ABLIM1: variants seen among roughly 807,000 people sequenced by gnomAD.
ABLIM1 encodes actin-binding LIM protein 1.
A neutral mutation model predicts 107.0 loss-of-function variants in ABLIM1; 40 were observed. The ratio of observed to expected loss-of-function variants is 0.37; its 90% CI spans 0.29 to 0.49. ABLIM1 has a LOEUF of 0.49. Ranked by LOEUF, ABLIM1 falls within the 20% of genes least tolerant of loss-of-function variation. ABLIM1 has a pLI of 0.97. For synonymous variants in ABLIM1, 357 were observed against 357.3 expected, an observed-to-expected ratio of 1.00 and a Z score of 0.01; for missense variants, 857 against 1,008.5, an observed-to-expected ratio of 0.85 and a Z score of 2.04.
At chr10:114,538,842 C>T (rs1313223788) in intron 6 of ABLIM1, among the ~76,000 whole-genome samples, 1 of 152,212 alleles carries the variant, frequency 6.6e-6, no homozygotes, top group Non-Finnish European at 1.5e-5. Context: ...TCCATGCACA[C>T]AGGTAGCCCC....
upstream of ABLIM1, among the ~76,000 whole-genome samples, chr10:114,689,639 G>A (rs1265318493): frequency 6.6e-6 from 1 of 151,912 alleles, no homozygotes; most frequent in Non-Finnish European, 1.5e-5. Context: ...TGGGATTATA[G>A]GTATGAGCCA....
intron 1 of ABLIM1, among the ~76,000 whole-genome samples, chr10:114,733,557 A>T (rs146715765): frequency 2.6e-4 from 40 of 152,256 alleles, no homozygotes; most frequent in African/African-American, 8.9e-4. Context: ...TCTGAACTGG[A>T]CCCTACTGAG....
chr10:114,542,040 G>A (rs2066728775), intron 6 of ABLIM1, among the ~76,000 whole-genome samples: 1 of 152,094 alleles, frequency 6.6e-6, no homozygotes, highest in Non-Finnish European at 1.5e-5. Flanking sequence ...ACAAATGTGG[G>A]GACCACGTTC....
chr10:114,775,521 A>C, the ABLIM1 span, among the ~76,000 whole-genome samples: 2 of 152,190 alleles, frequency 1.3e-5, no homozygotes, highest in Non-Finnish European at 2.9e-5. Context: ...AATACCATAG[A>C]TAGACCAGGA....
chr10:114,788,063 G>C, the ABLIM1 span, among the ~76,000 whole-genome samples: 1 of 150,370 alleles, frequency 6.7e-6, no homozygotes, highest in African/African-American at 2.4e-5. Context: ...CATGTGCTGT[G>C]TCCACTCAGG....
chr10:114,532,293 C>G (rs2497713), intron 6 of ABLIM1, among the ~76,000 whole-genome samples: 143,293 of 152,324 alleles, frequency 0.94, 67,418 homozygotes, highest in African/African-American at 0.96. Context: ...CCACTCCAAA[C>G]TTTCCCTTTT....
chr10:114,552,183 G>A (rs546035867), intron 4 of ABLIM1, among the ~76,000 whole-genome samples: 1 of 152,330 alleles, frequency 6.6e-6, no homozygotes, highest in South Asian at 2.1e-4. Context: ...CTGACACTGT[G>A]CTGGAGAGAG....
At chr10:114,783,526 T>C in the ABLIM1 span, among the ~76,000 whole-genome samples, 2 of 152,052 alleles carry the variant, frequency 1.3e-5, no homozygotes, top group African/African-American at 4.8e-5. Flanking sequence ...AGTGAGATCA[T>C]TTATGGAGCT....
intron 1 of ABLIM1, among the ~76,000 whole-genome samples, chr10:114,656,448 C>G (rs1371240492): frequency 2.0e-5 from 3 of 151,922 alleles, no homozygotes; most frequent in African/African-American, 7.3e-5. Flanking sequence ...AATTCCACAC[C>G]TAGGTATACA....
chr10:114,473,239 C>G, intron 9 of ABLIM1, 107 bp from the exon 10 acceptor site: 2 of 1,096,014 alleles, frequency 1.8e-6, no homozygotes, highest in Non-Finnish European at 2.6e-6. Context: ...TTAAAATAAA[C>G]AAAAACCAAA....
intron 2 of ABLIM1, among the ~76,000 whole-genome samples, chr10:114,593,639 C>A (rs1422652934): frequency 6.6e-6 from 1 of 152,158 alleles, no homozygotes; most frequent in Non-Finnish European, 1.5e-5. Context: ...AACAAATCTG[C>A]CCTTGACTCT....
At chr10:114,788,391 T>C in the ABLIM1 span, among the ~76,000 whole-genome samples, 2 of 147,746 alleles carry the variant, frequency 1.4e-5, no homozygotes, top group South Asian at 4.2e-4. Flanking sequence ...ACACAGCTAG[T>C]AGCAGAGCTG....
At chr10:114,508,499 C>T (rs1241183000) in intron 6 of ABLIM1, among the ~76,000 whole-genome samples, 1 of 152,184 alleles carries the variant, frequency 6.6e-6, no homozygotes, top group Non-Finnish European at 1.5e-5. Context: ...AGGAGCTGGA[C>T]ACCAGCCTGG....
At chr10:114,784,658 C>A in the ABLIM1 span, among the ~76,000 whole-genome samples, 1 of 107,486 alleles carries the variant, frequency 9.3e-6, no homozygotes. Flanking sequence ...CAGAGGGAGA[C>A]TCACCTCAAA....
At chr10:114,690,956 A>G (rs1164125631) in intron 1 of ABLIM1, among the ~76,000 whole-genome samples, 1 of 152,258 alleles carries the variant, frequency 6.6e-6, no homozygotes, top group Non-Finnish European at 1.5e-5. Context: ...TACTGCAATT[A>G]CAGGTGCGAG....
chr10:114,614,847 A>T (rs2077026625), intron 1 of ABLIM1, among the ~76,000 whole-genome samples: 1 of 152,006 alleles, frequency 6.6e-6, no homozygotes, highest in Non-Finnish European at 1.5e-5. Context: ...CGAGGTTGGG[A>T]CGAGACCAGT....
the ABLIM1 span, among the ~76,000 whole-genome samples, chr10:114,788,341 A>T: frequency 0.061 from 8,134 of 132,752 alleles, 557 homozygotes; most frequent in African/African-American, 0.2. Context: ...AAATAAAAAA[A>T]AAAAAAATAA....
At chr10:114,455,238 T>C (rs1050173021) in intron 12 of ABLIM1, among the ~76,000 whole-genome samples, 6 of 152,224 alleles carry the variant, frequency 3.9e-5, no homozygotes, top group Non-Finnish European at 8.8e-5. Flanking sequence ...GAGTCAAATT[T>C]AGATTTCTGG....
rs538667488 is a variant in ABLIM1 at position 114,753,689 on chromosome 10, G to A, written c.-213+14372C>T. 4.1e-4 allele frequency among the ~76,000 whole-genome samples: 63 copies of A among 152,038 alleles called. 1 individual carries two copies. Among genetic ancestry groups the A allele is most frequent in the Non-Finnish European group, 6.0e-4 (41 of 68,010 alleles). ...TACATTGTATATTCATAACTTTTCT[G>A]TACATGGAATCTCCAGAAACTTTTT... On this transcript the variant is annotated intron_variant, in intron 1 of 15. Coordinates refer to the ABLIM1 transcript ENST00000651092.
Sources: allele counts gnomAD v4.1 joint callset (sites outside exome capture counted in the v4.1 genomes callset), GRCh38; gene constraint gnomAD v4.1.1; transcripts MANE v1.5; gene names NCBI Gene and HGNC (gene_info 2026-07-23, HGNC 2026-07-21).